GANC: variants seen among roughly 807,000 people sequenced by gnomAD.
GANC encodes neutral alpha-glucosidase C.
Under a neutral mutation model 124.2 loss-of-function variants are expected in GANC, and 117 were observed. That is an observed-to-expected ratio of 0.94 (90% confidence interval 0.81 to 1.10). The LOEUF is 1.10. GANC is among the 50% of genes least tolerant of loss of function. The pLI is 0.00. For missense variants in GANC, 1,140 were observed against 1,095.0 expected, an observed-to-expected ratio of 1.04 and a Z score of -0.58; for synonymous variants, 377 against 376.8, an observed-to-expected ratio of 1.00 and a Z score of -0.01.
At chr15:42,336,048 C>A in intron 15 of GANC, among the ~76,000 whole-genome samples, 1 of 150,710 alleles carries the variant, frequency 6.6e-6, no homozygotes. Context: ...CTGCCCAAAG[C>A]AATTTATAGA....
intron 1 of GANC, among the ~76,000 whole-genome samples, chr15:42,275,458 A>G (rs2051659634): frequency 6.6e-6 from 1 of 152,210 alleles, no homozygotes; most frequent in Admixed American, 6.5e-5. Flanking sequence ...ATGGCCAAGT[A>G]TATCTGCCTG....
chr15:42,345,455 C>A (rs2052356321), intron 19 of GANC, among the ~76,000 whole-genome samples: 1 of 152,084 alleles, frequency 6.6e-6, no homozygotes, highest in South Asian at 2.1e-4. Flanking sequence ...TATGTCTTTT[C>A]TGTTCAGTCT....
intron 6 of GANC, among the ~76,000 whole-genome samples, chr15:42,305,512 A>G (rs2141039936): frequency 6.6e-6 from 1 of 152,374 alleles, no homozygotes; most frequent in South Asian, 2.1e-4. Context: ...AGTGTAAATT[A>G]GTTCAACCAT....
Position 42,316,606 on chromosome 15 carries a change from A to G in GANC, c.1058-5179A>G, listed in dbSNP as rs375897698. On this transcript the variant is annotated intron_variant, in intron 10 of 23. Transcript: ENST00000318010. ...TCTACTATGAACTTAAAAGAGAAAC[A>G]TGAAAGTGGACAAGGAACGTGACCA... Among the ~76,000 whole-genome samples the G allele has an allele frequency of 3.3e-5, 5 of 152,344 alleles. No homozygotes were observed. In the East Asian group the frequency reaches 7.7e-4, roughly 24 times the overall value.
Position 42,349,944 on chromosome 15 carries a change from CG to C in GANC, c.2531+451del, listed in dbSNP as rs1177104536. Among the ~76,000 whole-genome samples, 8 of 151,332 alleles carry C rather than the reference CG, an allele frequency of 5.3e-5. No homozygotes were observed. In the East Asian group the frequency reaches 1.4e-3, roughly 26 times the overall value. On this transcript the variant is annotated intron_variant, in intron 22 of 23. Coordinates refer to ENST00000318010, the MANE Select transcript of GANC (RefSeq NM_198141.3). ...GATTACAGGTGTGAGCCACCGTGCC[CG>C]GCGCATTTCTGGAGTATTTTTCAAC...
intron 10 of GANC, among the ~76,000 whole-genome samples, chr15:42,317,670 T>TGAAAAC (rs1661241772): frequency 6.6e-6 from 1 of 152,002 alleles, no homozygotes; most frequent in Admixed American, 6.5e-5. Flanking sequence ...GTAAAGCTGT[T>TGAAAAC]AAAAGTATTG....
At chr15:42,286,682 C>T (rs968440125) in intron 3 of GANC, among the ~76,000 whole-genome samples, 4 of 152,184 alleles carry the variant, frequency 2.6e-5, no homozygotes, top group Admixed American at 2.6e-4. Context: ...CTGATTGCTT[C>T]CCTGTTTTCG....
intron 11 of GANC, among the ~76,000 whole-genome samples, chr15:42,323,213 A>C (rs1659221): frequency 0.81 from 122,731 of 152,162 alleles, 52,120 homozygotes; most frequent in Non-Finnish European, 0.95. Context: ...TGGCAAGAAT[A>C]TGAACCATGG....
chr15:42,324,884 A>G (rs1374220822), intron 11 of GANC, among the ~76,000 whole-genome samples: 1 of 152,172 alleles, frequency 6.6e-6, no homozygotes, highest in African/African-American at 2.4e-5. Context: ...ACACAACATT[A>G]TGACTGTACA....
At chr15:42,284,422 C>A in intron 3 of GANC, 1 of 162,282 alleles carries the variant, frequency 6.2e-6, no homozygotes, top group Admixed American at 6.0e-5. Flanking sequence ...GGATAACAAA[C>A]CACCAAGTTT....
At chr15:42,341,991 C>A (rs897493495) in intron 18 of GANC, among the ~76,000 whole-genome samples, 5 of 152,136 alleles carry the variant, frequency 3.3e-5, no homozygotes, top group African/African-American at 9.7e-5. Context: ...AAATCAGCCC[C>A]TCTTATTATG....
rs753560431 is a variant in GANC at position 42,339,945 on chromosome 15, C to A, written c.2087+33C>A. On this transcript the variant is annotated intron_variant, in intron 17 of 23. Transcript: ENST00000318010. ...AGCTTCATCCATTCAGGGACCCCAGCAACCAATCTGTAATAGAAGATCTCA... is the reference window on the plus strand; with the variant it reads ...AGCTTCATCCATTCAGGGACCCCAGAAACCAATCTGTAATAGAAGATCTCA... The A allele has an allele frequency of 5.0e-6, 8 of 1,598,234 alleles. No homozygotes were observed. The Admixed American group carries it at 1.2e-4, about 24-fold the overall frequency.
intron 2 of GANC, chr15:42,278,182 T>G: frequency 4.7e-6 from 1 of 213,482 alleles, no homozygotes; most frequent in Middle Eastern, 1.0e-3. Flanking sequence ...GGAGGGAAAT[T>G]AACAAGTTCA....
At chr15:42,347,189 A>G (rs75736750) in intron 20 of GANC, among the ~76,000 whole-genome samples, 55 of 124,276 alleles carry the variant, frequency 4.4e-4, no homozygotes, top group African/African-American at 1.7e-3. Flanking sequence ...AAAAAAAAAA[A>G]AAGAAGAGAG....
chr15:42,276,066 C>G (rs2051667968), intron 1 of GANC, among the ~76,000 whole-genome samples: 1 of 152,138 alleles, frequency 6.6e-6, no homozygotes, highest in Non-Finnish European at 1.5e-5. Flanking sequence ...GTCATTATTT[C>G]AAAAGAATAT....
chr15:42,326,984 G>A (rs1315541368), intron 12 of GANC, among the ~76,000 whole-genome samples: 2 of 152,190 alleles, frequency 1.3e-5, no homozygotes, highest in Non-Finnish European at 2.9e-5. Context: ...GCACTGTAGA[G>A]AAACCCCGTG....
At chr15:42,320,380 T>A (rs1566957088) in intron 10 of GANC, among the ~76,000 whole-genome samples, 1 of 152,162 alleles carries the variant, frequency 6.6e-6, no homozygotes, top group Non-Finnish European at 1.5e-5. Context: ...TTCCTTGCAT[T>A]GTTCCTGTTT....
At chr15:42,327,534 G>A in intron 13 of GANC, 92 bp downstream of exon 13, 1 of 1,042,154 alleles carries the variant, frequency 9.6e-7, no homozygotes, top group South Asian at 1.4e-5. Context: ...TTTTCATTGA[G>A]TAGCTTTTGA....
chr15:42,340,896 G>C, intron 18 of GANC, 142 bp downstream of exon 18: 1 of 634,244 alleles, frequency 1.6e-6, no homozygotes, highest in Non-Finnish European at 2.7e-6. Context: ...CTCCTGAGCA[G>C]CTGGGATTAC....
Sources: gnomAD v4.1 joint callset for allele counts (sites outside exome capture counted in the v4.1 genomes callset) on GRCh38, gnomAD v4.1.1 for gene constraint, MANE v1.5 for transcripts, NCBI Gene and HGNC (gene_info 2026-07-23, HGNC 2026-07-21) for gene names.